Variants in PDE10A observed in about 807,000 individuals in gnomAD.
The protein encoded by PDE10A is cAMP and cAMP-inhibited cGMP 3',5'-cyclic phosphodiesterase 10A.
A neutral mutation model predicts 97.7 loss-of-function variants in PDE10A; 39 were observed. That is an observed-to-expected ratio of 0.40 (90% CI 0.31 to 0.52). The LOEUF (loss-of-function observed/expected upper bound fraction) is 0.52, where lower values mean the gene tolerates loss of function less well. Ranked by LOEUF, PDE10A falls within the 20% of genes least tolerant of loss-of-function variation. PDE10A has a pLI of 0.56. For missense variants in PDE10A, 731 were observed against 1,047.8 expected, an observed-to-expected ratio of 0.70 and a Z score of 4.17; for synonymous variants, 371 against 376.8, an observed-to-expected ratio of 0.98 and a Z score of 0.18.
intron 1 of PDE10A, among the ~76,000 whole-genome samples, chr6:165,901,083 A>T (rs1403727990): frequency 6.6e-6 from 1 of 151,846 alleles, no homozygotes; most frequent in East Asian, 1.9e-4. Flanking sequence ...CTCCACGTGG[A>T]CTCATCCACC....
chr6:165,941,605 C>T (rs1280798907), intron 1 of PDE10A, among the ~76,000 whole-genome samples: 2 of 152,086 alleles, frequency 1.3e-5, no homozygotes, highest in Non-Finnish European at 2.9e-5. Flanking sequence ...GAGATTTGGT[C>T]ACTTAAAAGT....
chr6:165,359,509 A>G (rs564165559), intron 18 of PDE10A, among the ~76,000 whole-genome samples: 6 of 152,256 alleles, frequency 3.9e-5, no homozygotes, highest in Non-Finnish European at 2.9e-5. Context: ...TATTATTCTC[A>G]AATTTCTTTG....
chr6:165,577,994 G>T (rs1043051399), intron 1 of PDE10A, among the ~76,000 whole-genome samples: 37 of 152,186 alleles, frequency 2.4e-4, no homozygotes, highest in Non-Finnish European at 4.6e-4. Context: ...ATCTCCACAG[G>T]CGTCTGCTCG....
At chr6:165,893,997 G>A (rs1005031881) in intron 1 of PDE10A, among the ~76,000 whole-genome samples, 2 of 152,176 alleles carry the variant, frequency 1.3e-5, no homozygotes, top group African/African-American at 4.8e-5. Context: ...TGCAGACCAA[G>A]TGATGTGTTC....
chr6:165,954,715 G>A (rs1016227995), intron 1 of PDE10A, among the ~76,000 whole-genome samples: 3 of 152,192 alleles, frequency 2.0e-5, no homozygotes, highest in Admixed American at 6.5e-5. Context: ...ACCAGGGATC[G>A]CACCAGAAGG....
intron 2 of PDE10A, among the ~76,000 whole-genome samples, chr6:165,532,418 G>C (rs555516041): frequency 7.2e-4 from 110 of 151,776 alleles, no homozygotes; most frequent in South Asian, 1.5e-3. Context: ...AAAATAGTAA[G>C]CAACTAATTA....
At chr6:165,485,893 G>A (rs902512812) in intron 2 of PDE10A, among the ~76,000 whole-genome samples, 3 of 152,138 alleles carry the variant, frequency 2.0e-5, no homozygotes, top group African/African-American at 4.8e-5. Context: ...CGCGCCCGGC[G>A]GAGAGCATCA....
chr6:165,610,856 G>C (rs1296556127), intron 1 of PDE10A, among the ~76,000 whole-genome samples: 2 of 152,112 alleles, frequency 1.3e-5, no homozygotes, highest in Non-Finnish European at 2.9e-5. Context: ...TTAAGTCCCT[G>C]TCCTTAAATT....
chr6:165,787,291 G>A (rs1302067918), intron 1 of PDE10A, among the ~76,000 whole-genome samples: 1 of 152,178 alleles, frequency 6.6e-6, no homozygotes, highest in Non-Finnish European at 1.5e-5. Context: ...AATAGTGAAT[G>A]CTTTACAAGA....
At chr6:165,881,392 C>CTTTTTTT (rs68159417) in intron 1 of PDE10A, among the ~76,000 whole-genome samples, 3 of 107,022 alleles carry the variant, frequency 2.8e-5, no homozygotes, top group Non-Finnish European at 5.4e-5. Context: ...TTTTTCTTTT[C>CTTTTTTT]TTTTTTTTTT....
chr6:165,335,506 G>A (rs1781591000), intron 21 of PDE10A, among the ~76,000 whole-genome samples: 1 of 152,058 alleles, frequency 6.6e-6, no homozygotes, highest in Non-Finnish European at 1.5e-5. Flanking sequence ...TACTACATAG[G>A]GACATACTGT....
At chr6:165,607,712 T>A (rs1787278401) in intron 1 of PDE10A, among the ~76,000 whole-genome samples, 1 of 152,166 alleles carries the variant, frequency 6.6e-6, no homozygotes, top group Non-Finnish European at 1.5e-5. Flanking sequence ...GTGAAATGTG[T>A]CTCCAAATGA....
At position 165,330,664 on chromosome 6, in the gene PDE10A, T is replaced by C. The variant is rs1310399774; in HGVS notation, c.*2361A>G. The C allele has an allele frequency of 1.3e-5, 2 of 152,182 alleles. No homozygotes were observed. The highest frequency in any genetic ancestry group is 2.9e-5 in the Non-Finnish European group (2 of 68,004). 9.4% of individuals were successfully genotyped at this position (152,182 alleles called of 1,614,324 possible). The stretch of plus-strand genomic sequence containing the variant: ...AGAGATTACATAATACACTTGACTA[T>C]AATAAATTAAGAGAATTTTCTGTAA... On this transcript the variant is annotated 3_prime_UTR_variant, in exon 22 of 22. Coordinates refer to ENST00000539869, the MANE Select transcript of PDE10A (RefSeq NM_001385079.1).
At chr6:165,379,078 A>T in intron 18 of PDE10A, 116 bp downstream of exon 18, 1 of 703,302 alleles carries the variant, frequency 1.4e-6, no homozygotes, top group Non-Finnish European at 2.3e-6. Flanking sequence ...AAAAACATGT[A>T]AATTTTTTAC....
At chr6:165,362,064 A>G (rs1309850341) in intron 18 of PDE10A, among the ~76,000 whole-genome samples, 2 of 152,228 alleles carry the variant, frequency 1.3e-5, no homozygotes, top group Non-Finnish European at 2.9e-5. Flanking sequence ...GAAAATTTAG[A>G]GCTATGAATG....
At chr6:165,974,464 C>T (rs1784790438) in intron 1 of PDE10A, among the ~76,000 whole-genome samples, 1 of 152,132 alleles carries the variant, frequency 6.6e-6, no homozygotes, top group Admixed American at 6.5e-5. Context: ...GCCATGCTTC[C>T]TGGAGAAGGT....
At chr6:165,611,202 C>A (rs1787477837) in intron 1 of PDE10A, among the ~76,000 whole-genome samples, 1 of 152,082 alleles carries the variant, frequency 6.6e-6, no homozygotes, top group Non-Finnish European at 1.5e-5. Context: ...TCACCTGGAC[C>A]TGTGGCAAAC....
intron 1 of PDE10A, among the ~76,000 whole-genome samples, chr6:165,972,358 C>T (rs772020936): frequency 6.6e-5 from 10 of 151,986 alleles, no homozygotes; most frequent in Non-Finnish European, 1.2e-4. Context: ...CTGCTGGCCA[C>T]GGGCACCCAG....
intron 3 of PDE10A, among the ~76,000 whole-genome samples, chr6:165,451,166 C>A (rs550599970): frequency 6.6e-6 from 1 of 152,076 alleles, no homozygotes; most frequent in Admixed American, 6.6e-5. Flanking sequence ...AAGAGTTAGG[C>A]GCTTGCACTG....
Sources: allele counts gnomAD v4.1 joint callset (sites outside exome capture counted in the v4.1 genomes callset), GRCh38; gene constraint gnomAD v4.1.1; transcripts MANE v1.5; gene names NCBI Gene and HGNC (gene_info 2026-07-23, HGNC 2026-07-21).